Variants in RORA observed in about 807,000 individuals in gnomAD.
RORA encodes the protein RAR related orphan receptor A.
Under a neutral mutation model 69.5 loss-of-function variants are expected in RORA, and 7 were observed. The observed-to-expected ratio is 0.10, with a 90% confidence interval of 0.06 to 0.19. RORA has a LOEUF of 0.19. RORA is among the 10% of genes least tolerant of loss of function. The probability of loss-of-function intolerance (pLI) is 1.00; values close to 1 mark genes in which losing one functional copy is unlikely to be tolerated. For missense variants in RORA, 457 were observed against 663.0 expected (o/e 0.69, Z 3.41); for synonymous variants, 261 against 240.8 (o/e 1.08, Z -0.78).
At chr15:61,215,028 C>A (rs1359277675) in intron 1 of RORA, among the ~76,000 whole-genome samples, 1 of 115,628 alleles carries the variant, frequency 8.6e-6, no homozygotes, top group Non-Finnish European at 1.7e-5. Flanking sequence ...CCACGCCCAG[C>A]TAATTTTTTT....
intron 2 of RORA, among the ~76,000 whole-genome samples, chr15:60,612,659 CTGT>C (rs1567123641): frequency 1.5e-4 from 18 of 117,322 alleles, no homozygotes; most frequent in Admixed American, 7.4e-4. Flanking sequence ...CTCTCTCTCT[CTGT>C]TTTTTTTTTT....
At chr15:61,062,224 C>A (rs1211443529) in intron 1 of RORA, among the ~76,000 whole-genome samples, 2 of 152,186 alleles carry the variant, frequency 1.3e-5, no homozygotes, top group Non-Finnish European at 2.9e-5. Flanking sequence ...TTTTGCTGTT[C>A]TGTTTGATCA....
At chr15:60,627,423 G>GAAA (rs1480239440) in intron 2 of RORA, 3 of 1,611,518 alleles carry the variant, frequency 1.9e-6, no homozygotes, top group Admixed American at 1.7e-5. Flanking sequence ...GCTGTGCTTT[G>GAAA]CCCCAGTGTA....
intron 1 of RORA, among the ~76,000 whole-genome samples, chr15:60,704,014 TTA>T (rs2071023397): frequency 6.6e-6 from 1 of 152,240 alleles, no homozygotes; most frequent in African/African-American, 2.4e-5. Context: ...TGTTTTACTT[TTA>T]TGACGGGTAC....
intron 1 of RORA, among the ~76,000 whole-genome samples, chr15:61,089,377 G>A (rs867040535): frequency 2.0e-5 from 3 of 152,176 alleles, no homozygotes; most frequent in Admixed American, 2.0e-4. Flanking sequence ...GTTTCTCACA[G>A]ATGTAGCTTT....
chr15:60,684,133 C>G (rs2070701805), intron 1 of RORA, among the ~76,000 whole-genome samples: 1 of 151,416 alleles, frequency 6.6e-6, no homozygotes, highest in Non-Finnish European at 1.5e-5. Flanking sequence ...TTTTCCTCTT[C>G]CCAAATTTTG....
chr15:61,053,779 T>G (rs1018422641), intron 1 of RORA, among the ~76,000 whole-genome samples: 1 of 143,012 alleles, frequency 7.0e-6, no homozygotes, highest in African/African-American at 2.6e-5. Flanking sequence ...AGTGTTAACG[T>G]TGGGCATAGG....
intron 1 of RORA, among the ~76,000 whole-genome samples, chr15:60,986,244 C>T (rs1171398080): frequency 6.6e-6 from 1 of 152,046 alleles, no homozygotes; most frequent in Non-Finnish European, 1.5e-5. Flanking sequence ...AGCCATTCTC[C>T]TGCCTCAGCC....
At chr15:60,565,818 T>TAA (rs1308972570) in intron 2 of RORA, among the ~76,000 whole-genome samples, 1 of 152,216 alleles carries the variant, frequency 6.6e-6, no homozygotes, top group East Asian at 1.9e-4. Flanking sequence ...AAGAACCACT[T>TAA]AAACACTTAA....
chr15:60,855,295 G>A (rs1306800020), intron 1 of RORA, among the ~76,000 whole-genome samples: 1 of 152,176 alleles, frequency 6.6e-6, no homozygotes, highest in African/African-American at 2.4e-5. Context: ...TAAAGCTTAG[G>A]ATCAACTTTT....
intron 1 of RORA, among the ~76,000 whole-genome samples, chr15:60,948,788 T>G (rs1404076795): frequency 6.6e-6 from 1 of 152,210 alleles, no homozygotes; most frequent in East Asian, 1.9e-4. Context: ...TATTCTCTGC[T>G]TTCAAGAAAC....
In RORA at chr15:60,890,286, T is replaced by C. The variant is rs1257128569; in HGVS notation, c.167-211600A>G. On this transcript the variant is annotated intron_variant, in intron 1 of 10. Coordinates refer to ENST00000335670, the MANE Select transcript of RORA (RefSeq NM_134261.3). ...TCAAAGTTAATAGTGGAGGTGGGCC[T>C]GGAATACTGCATATTTCTAAAATGT... is the stretch of plus-strand genomic sequence containing the variant. Among the ~76,000 whole-genome samples, 4 of 152,348 alleles carry C rather than the reference T, an allele frequency of 2.6e-5. No homozygotes were observed. The East Asian group carries it at 7.7e-4, about 29-fold the overall frequency.
At chr15:60,890,953 G>C (rs2073806981) in intron 1 of RORA, among the ~76,000 whole-genome samples, 1 of 152,206 alleles carries the variant, frequency 6.6e-6, no homozygotes, top group Non-Finnish European at 1.5e-5. Flanking sequence ...TAAGTAGACA[G>C]AGAAAGCTCC....
chr15:61,012,925 T>C (rs562588954), intron 1 of RORA, among the ~76,000 whole-genome samples: 4 of 152,308 alleles, frequency 2.6e-5, no homozygotes, highest in Admixed American at 6.5e-5. Flanking sequence ...GCTGGGATTA[T>C]AGGTGTGAGC....
intron 1 of RORA, among the ~76,000 whole-genome samples, chr15:61,122,516 A>G (rs1451002041): frequency 6.6e-6 from 1 of 152,230 alleles, no homozygotes; most frequent in Non-Finnish European, 1.5e-5. Flanking sequence ...TGGGTCTAGT[A>G]AAGCCGTAAT....
chr15:61,174,202 T>C (rs1211155507), intron 1 of RORA, among the ~76,000 whole-genome samples: 1 of 152,190 alleles, frequency 6.6e-6, no homozygotes, highest in Non-Finnish European at 1.5e-5. Flanking sequence ...CTCAAAGGTC[T>C]CCTCTGGAAA....
chr15:60,696,711 C>T (rs1235008089), intron 1 of RORA, among the ~76,000 whole-genome samples: 1 of 152,102 alleles, frequency 6.6e-6, no homozygotes, highest in Non-Finnish European at 1.5e-5. Flanking sequence ...TGCCTTTGAC[C>T]CACTCACCGT....
intron 1 of RORA, among the ~76,000 whole-genome samples, chr15:61,189,678 A>G (rs903822741): frequency 6.6e-6 from 1 of 152,016 alleles, no homozygotes; most frequent in Non-Finnish European, 1.5e-5. Context: ...TAACACGGTG[A>G]AACCCCATCT....
intron 2 of RORA, among the ~76,000 whole-genome samples, chr15:60,619,219 C>A (rs543234756): frequency 5.9e-5 from 9 of 152,188 alleles, no homozygotes; most frequent in Admixed American, 2.6e-4. Context: ...AAAGCATGAT[C>A]GTGGTAACGA....
Sources: allele counts gnomAD v4.1 joint callset (sites outside exome capture counted in the v4.1 genomes callset), GRCh38; gene constraint gnomAD v4.1.1; transcripts MANE v1.5; gene names NCBI Gene and HGNC (gene_info 2026-07-23, HGNC 2026-07-21).